The following BIRC6 variants were observed in gnomAD, a reference collection of about 807,000 sequenced individuals.
BIRC6 encodes dual E2 ubiquitin-conjugating enzyme/E3 ubiquitin-protein ligase BIRC6.
BIRC6 carries 98 observed loss-of-function variants against 503.3 expected under a neutral mutation model. That is an observed-to-expected ratio of 0.19 (90% confidence interval 0.17 to 0.23). BIRC6 has a LOEUF of 0.23. Ranked by LOEUF, BIRC6 falls within the 10% of genes least tolerant of loss-of-function variation. The pLI is 1.00. For missense variants in BIRC6, 5,360 were observed against 5,806.0 expected (o/e 0.92, Z 2.50); for synonymous variants, 2,240 against 2,078.7 (o/e 1.08, Z -2.11).
In BIRC6 at chr2:32,607,575, A is replaced by G. The variant is rs1364416063; in HGVS notation, c.14191A>G (p.Ile4731Val). The change falls in exon 72 of 74, where the codon ATT becomes GTT. Residue 4731 changes from isoleucine to valine, a missense_variant. Around this residue, in one of 16 missense-constraint regions of BIRC6, gnomAD observed 40 missense variants for 53.4 expected, o/e 0.75. Transcript: ENST00000421745. ...GAGTTCTCGAGAATATGATGGAAACATTCGACAAGCAACAGTTAAGTGGGC... is the reference window on the plus strand; with the variant it reads ...GAGTTCTCGAGAATATGATGGAAACGTTCGACAAGCAACAGTTAAGTGGGC... Reference protein sequence around the residue: ...TQSSREYDGNIRQATVKWAML... With the variant: ...TQSSREYDGNVRQATVKWAML... 4 of 1,613,942 alleles carry G rather than the reference A, an allele frequency of 2.5e-6. No individual in the cohort carries two copies. The highest frequency in any genetic ancestry group is 2.2e-5 in the South Asian group (2 of 91,076).
At chr2:32,569,279 G>T (rs547075301) in intron 65 of BIRC6, among the ~76,000 whole-genome samples, 1 of 152,026 alleles carries the variant, frequency 6.6e-6, no homozygotes, top group Non-Finnish European at 1.5e-5. Flanking sequence ...GTGAGCCACC[G>T]CACTTGGCCT....
At chr2:32,594,110 T>C in intron 67 of BIRC6, 50 bp downstream of exon 67, 1 of 1,549,248 alleles carries the variant, frequency 6.5e-7, no homozygotes, top group Non-Finnish European at 8.7e-7. Context: ...TAAAGATGTT[T>C]CATTTACTTA....
chr2:32,375,413 C>T (rs1206733752), intron 1 of BIRC6, among the ~76,000 whole-genome samples: 2 of 152,036 alleles, frequency 1.3e-5, no homozygotes, highest in Non-Finnish European at 2.9e-5. Flanking sequence ...GTAGTCCTAG[C>T]CACTCAGGAG....
chr2:32,587,450 C>T (rs1197015412), intron 66 of BIRC6, among the ~76,000 whole-genome samples: 1 of 152,040 alleles, frequency 6.6e-6, no homozygotes, highest in Non-Finnish European at 1.5e-5. Flanking sequence ...AAAAAATCTG[C>T]TTTTGGGCTA....
chr2:32,547,932 G>A lies in BIRC6; in HGVS notation c.12893G>A (p.Gly4298Asp). Residue 4298 changes from glycine (G) to aspartate (D), a missense_variant, in exon 64 of 74, where the codon GGC becomes GAC. Gly to Asp is a moderately conservative substitution (Grantham distance 94, BLOSUM62 -1). Transcript: ENST00000421745. Reference sequence around the variant, plus strand: ...GCCAAAGGGACTGGCTTTGGAACAGGCTCTACAGCTTCTGGGTGGGATGTG... The same window carrying A: ...GCCAAAGGGACTGGCTTTGGAACAGACTCTACAGCTTCTGGGTGGGATGTG... ...YWAKGTGFGTGSTASGWDVEQ... is the reference protein window; with the variant it reads ...YWAKGTGFGTDSTASGWDVEQ... 6.2e-7 allele frequency: 1 copy of A among 1,613,728 alleles called. No homozygotes were observed. Among genetic ancestry groups the A allele is most frequent in the Non-Finnish European group, 8.5e-7 (1 of 1,179,770 alleles).
chr2:32,513,698 C>G (rs1450872821), intron 54 of BIRC6, among the ~76,000 whole-genome samples: 4 of 152,182 alleles, frequency 2.6e-5, no homozygotes, highest in Admixed American at 6.5e-5. Flanking sequence ...ATCACGAGGT[C>G]AGGAGTTCGA....
chr2:32,442,954 A>G (rs180788590), intron 19 of BIRC6, among the ~76,000 whole-genome samples: 5 of 152,298 alleles, frequency 3.3e-5, no homozygotes, highest in Admixed American at 6.5e-5. Context: ...GTACTGAGCC[A>G]TATATATAGT....
chr2:32,575,814 A>C (rs2060230840), intron 66 of BIRC6, among the ~76,000 whole-genome samples: 1 of 152,196 alleles, frequency 6.6e-6, no homozygotes, highest in Non-Finnish European at 1.5e-5. Context: ...CAAGCAATAA[A>C]TAAACATACA....
At chr2:32,488,765 C>T (rs1046259926) in intron 42 of BIRC6, 51 bp downstream of exon 42, 18 of 1,227,462 alleles carry the variant, frequency 1.5e-5, no homozygotes, top group African/African-American at 6.3e-5. Context: ...AAGCTTAAAA[C>T]GTAATTATTA....
chr2:32,361,283 AACAATGAGT>A (rs997035819), intron 1 of BIRC6, among the ~76,000 whole-genome samples: 3 of 152,192 alleles, frequency 2.0e-5, no homozygotes, highest in African/African-American at 7.2e-5. Flanking sequence ...ATGCATATAT[AACAATGAGT>A]ATATTAGTAC....
At chr2:32,501,416 G>A (rs1312631151) in intron 46 of BIRC6, among the ~76,000 whole-genome samples, 4 of 152,182 alleles carry the variant, frequency 2.6e-5, no homozygotes, top group Non-Finnish European at 4.4e-5. Context: ...GCCATAAACC[G>A]TGCTCTACTG....
intron 1 of BIRC6, among the ~76,000 whole-genome samples, chr2:32,377,223 G>A (rs544984729): frequency 1.0e-4 from 15 of 148,638 alleles, no homozygotes; most frequent in African/African-American, 3.7e-4. Context: ...ATGTGTGTGT[G>A]TGTGTGTGTG....
chr2:32,359,424 A>C (rs1173592917), intron 1 of BIRC6, among the ~76,000 whole-genome samples: 1 of 152,210 alleles, frequency 6.6e-6, no homozygotes, highest in Non-Finnish European at 1.5e-5. Context: ...AAGGAAAGAC[A>C]ATATTCACTT....
intron 68 of BIRC6, among the ~76,000 whole-genome samples, chr2:32,596,826 T>C (rs2061708208): frequency 6.6e-6 from 1 of 152,252 alleles, no homozygotes; most frequent in African/African-American, 2.4e-5. Flanking sequence ...TAACTAGTTC[T>C]TTCAATCCAG....
chr2:32,454,343 A>G (rs925695206), intron 23 of BIRC6, among the ~76,000 whole-genome samples: 2 of 152,174 alleles, frequency 1.3e-5, no homozygotes, highest in African/African-American at 4.8e-5. Flanking sequence ...GTTTAAAACA[A>G]CCTTGAATAT....
At chr2:32,461,343 A>AGTGTGTGTGTGTGTGTGTGT (rs373274536) in intron 23 of BIRC6, among the ~76,000 whole-genome samples, 9 of 132,132 alleles carry the variant, frequency 6.8e-5, no homozygotes, top group African/African-American at 1.8e-4. Context: ...ATGCCTGGCT[A>AGTGTGTGTGTGTGTGTGTGT]GTGTGTGTGT....
Position 32,464,695 on chromosome 2 carries a change from A to T in BIRC6, c.5128A>T (p.Thr1710Ser). Residue 1710 changes from threonine (T) to serine (S), a missense_variant, in exon 25 of 74, where the codon ACT becomes TCT. Transcript: ENST00000421745. ...ACCTCTTTTTATGACTCCACCACTC[A>T]CTCCACCCAATGAAGCAGTTTCCGT... ...TTPLFMTPPL[T>S]PPNEAVSVVI... is the part of the protein sequence containing the mutation. 2 of 1,613,668 alleles carry T rather than the reference A, an allele frequency of 1.2e-6. No individual in the cohort carries two copies. Among genetic ancestry groups the T allele is most frequent in the Non-Finnish European group, 8.5e-7 (1 of 1,179,838 alleles).
chr2:32,588,199 C>A (rs141455266), intron 66 of BIRC6, among the ~76,000 whole-genome samples: 13 of 152,078 alleles, frequency 8.5e-5, no homozygotes, highest in Non-Finnish European at 1.6e-4. Flanking sequence ...ACTAAAGATA[C>A]AAAAATCTAG....
At chr2:32,466,534 A>G (rs959325859) in intron 26 of BIRC6, among the ~76,000 whole-genome samples, 1 of 152,234 alleles carries the variant, frequency 6.6e-6, no homozygotes, top group African/African-American at 2.4e-5. Flanking sequence ...TGAATGCAAT[A>G]TGCAACTTCA....
Sources: allele counts gnomAD v4.1 joint callset (sites outside exome capture counted in the v4.1 genomes callset), GRCh38; gene constraint gnomAD v4.1.1; regional missense constraint gnomAD v4.1.1; transcripts MANE v1.5; gene names NCBI Gene and HGNC (gene_info 2026-07-23, HGNC 2026-07-21).